LLGL1: variants seen among roughly 807,000 people sequenced by gnomAD.
LLGL1 encodes lethal(2) giant larvae protein homolog 1.
A neutral mutation model predicts 110.6 loss-of-function variants in LLGL1; 58 were observed. That is an observed-to-expected ratio of 0.52 (90% CI 0.42 to 0.65). The LOEUF (loss-of-function observed/expected upper bound fraction) is 0.65, where lower values mean the gene tolerates loss of function less well. Ranked by LOEUF, LLGL1 falls within the 30% of genes least tolerant of loss-of-function variation. The pLI is 0.00. For synonymous variants in LLGL1, 674 were observed against 607.2 expected (o/e 1.11, Z -1.62); for missense variants, 1,229 against 1,462.1 (o/e 0.84, Z 2.60).
Position 18,236,589 on chromosome 17 carries a change from C to T in LLGL1, c.1353-18C>T, listed in dbSNP as rs2047699233. On this transcript the variant is annotated intron_variant, in intron 11 of 22. Transcript: ENST00000316843. ...CTCCCAGGAACTCGGGTAGCCCTGA[C>T]ATCTGCCCTCCCTGCAGCCATGAGG... The T allele has an allele frequency of 6.2e-7, 1 of 1,600,188 alleles. No homozygotes were observed. The highest frequency in any genetic ancestry group is 8.5e-7 in the Non-Finnish European group (1 of 1,171,196).
At chr17:18,233,466 A>G (rs1291691457) in intron 4 of LLGL1, among the ~76,000 whole-genome samples, 1 of 152,146 alleles carries the variant, frequency 6.6e-6, no homozygotes, top group African/African-American at 2.4e-5. Flanking sequence ...GGAGGGGCTC[A>G]GCGGGGAGCT....
At chr17:18,231,683 G>C (rs1247110380) in intron 2 of LLGL1, among the ~76,000 whole-genome samples, 5 of 152,164 alleles carry the variant, frequency 3.3e-5, no homozygotes, top group Admixed American at 1.3e-4. Context: ...TTTTGAGATG[G>C]AGTCTTGCTC....
chr17:18,237,055 A>G, intron 13 of LLGL1, 116 bp downstream of exon 13: 1 of 895,814 alleles, frequency 1.1e-6, no homozygotes, highest in East Asian at 2.6e-5. Flanking sequence ...CAAGGTGGGA[A>G]TAGGGCTCTG....
At position 18,225,716 on chromosome 17, in the gene LLGL1, G is replaced by A; in HGVS notation, c.34G>A (p.Asp12Asn). 1 of 1,049,364 alleles carries A rather than the reference G, an allele frequency of 9.5e-7. No individual in the cohort carries two copies. The highest frequency in any genetic ancestry group is 2.7e-5 in the South Asian group (1 of 36,898). 65.0% of individuals were successfully genotyped at this position (1,049,364 alleles called of 1,614,324 possible). A position where few individuals can be genotyped will look rare whatever the true frequency, so the allele number is the denominator to read the frequency against. The change falls in exon 1 of 23, where the codon GAC becomes AAC. Residue 12 changes from aspartate (D) to asparagine (N), a missense_variant. By Grantham distance (23) the Asp-to-Asn change is conservative. Coordinates refer to ENST00000316843, the MANE Select transcript of LLGL1 (RefSeq NM_004140.4). ...MKFRFRRQGA[D>N]PQREKLKQEL... ...GTTTCGGTTCCGGCGGCAGGGCGCC[G>A]ACCCGCAGCGCGAGAAGCTCAAGCA...
intron 11 of LLGL1, chr17:18,236,051 C>T (rs2047686736): frequency 5.5e-6 from 1 of 183,442 alleles, no homozygotes; most frequent in African/African-American, 2.4e-5. Context: ...CACGCCCTGG[C>T]TCTGGGCTTT....
At chr17:18,235,649 G>T in intron 11 of LLGL1, 112 bp downstream of exon 11, 1 of 1,037,348 alleles carries the variant, frequency 9.6e-7, no homozygotes, top group South Asian at 1.5e-5. Context: ...CCCCTGGTGG[G>T]ACCAGGTAGT....
chr17:18,226,434 T>G (rs1027251787), intron 1 of LLGL1, among the ~76,000 whole-genome samples: 2 of 152,274 alleles, frequency 1.3e-5, no homozygotes, highest in Admixed American at 1.3e-4. Context: ...GAGGCAGCTG[T>G]GGGGGGTGCG....
At chr17:18,236,431 C>T (rs1490547295) in intron 11 of LLGL1, 176 bp from the exon 12 acceptor site, 4 of 623,970 alleles carry the variant, frequency 6.4e-6, no homozygotes. Context: ...ATAACAGGTG[C>T]ACAGTGTACC....
intron 2 of LLGL1, 73 bp downstream of exon 2, chr17:18,230,111 C>A: frequency 8.4e-7 from 1 of 1,191,372 alleles, no homozygotes; most frequent in Admixed American, 1.9e-5. Context: ...CTCTGGGGTC[C>A]CAGTCTTGGC....
Position 18,242,436 on chromosome 17 carries a change from C to T in LLGL1, c.2996-72C>T, listed in dbSNP as rs1372721646. 26 of 1,599,784 alleles carry T rather than the reference C, an allele frequency of 1.6e-5. No individual in the cohort carries two copies. In the Admixed American group the frequency reaches 4.4e-4, roughly 27 times the overall value. On this transcript the variant is annotated intron_variant, in intron 20 of 22. Transcript: ENST00000316843. ...CCTCACCATGGGCTGCCTTATGGGT[C>T]TGTGTCCCTAGGCCCCCAGGTGCAG...
chr17:18,242,876 A>G, intron 22 of LLGL1, 54 bp downstream of exon 22: 1 of 1,471,308 alleles, frequency 6.8e-7, no homozygotes, highest in Non-Finnish European at 9.1e-7. Context: ...CACCCCCTTC[A>G]GCCCGTCTGG....
At chr17:18,242,409 C>T in intron 20 of LLGL1, 99 bp from the exon 21 acceptor site, 4 of 1,566,828 alleles carry the variant, frequency 2.6e-6, no homozygotes, top group South Asian at 2.3e-5. Flanking sequence ...ACTGGTGCCA[C>T]CCCTCACCAT....
intron 13 of LLGL1, 37 bp downstream of exon 13, chr17:18,236,976 G>C (rs1306123276): frequency 1.3e-6 from 2 of 1,540,732 alleles, no homozygotes; most frequent in South Asian, 1.1e-5. Context: ...AGATGTCAGG[G>C]AGGGCTTTCT....
intron 13 of LLGL1, 187 bp downstream of exon 13, chr17:18,237,126 T>C (rs573876878): frequency 8.2e-5 from 50 of 611,746 alleles, no homozygotes; most frequent in East Asian, 6.9e-4. Context: ...GGAACCACAG[T>C]GTTGAGAGGA....
chr17:18,227,647 T>G (rs756624450), intron 1 of LLGL1, among the ~76,000 whole-genome samples: 8 of 152,200 alleles, frequency 5.3e-5, no homozygotes, highest in Non-Finnish European at 1.0e-4. Flanking sequence ...CATGTTGGCT[T>G]CCCAAAGTGC....
Position 18,238,498 on chromosome 17 carries a change from C to A in LLGL1, c.2095C>A (p.His699Asn), listed in dbSNP as rs1286305114. 1 of 1,612,450 alleles carries A rather than the reference C, an allele frequency of 6.2e-7. No homozygotes were observed. The highest frequency in any genetic ancestry group is 1.3e-5 in the African/African-American group (1 of 75,050). The change falls in exon 16 of 23, where the codon CAC (histidine) becomes AAC (asparagine). Residue 699 changes from histidine (H) to asparagine (N), a missense_variant. By Grantham distance (68) the His-to-Asn change is moderately conservative. Coordinates refer to ENST00000316843, the MANE Select transcript of LLGL1 (RefSeq NM_004140.4). ...NAQLAEQACPHDVEMTPVQRR... is the reference protein window; with the variant it reads ...NAQLAEQACPNDVEMTPVQRR... ...ACAGCTGGCTGAGCAGGCCTGCCCC[C>A]ACGACGTGGAGATGACGCCCGTGCA...
At chr17:18,228,651 CTG>C (rs969939712) in intron 1 of LLGL1, among the ~76,000 whole-genome samples, 2 of 152,140 alleles carry the variant, frequency 1.3e-5, no homozygotes, top group African/African-American at 2.4e-5. Context: ...AATGGGAAGG[CTG>C]TGGGGATTTG....
intron 22 of LLGL1, among the ~76,000 whole-genome samples, chr17:18,243,652 C>T (rs1345934504): frequency 6.6e-6 from 1 of 152,230 alleles, no homozygotes; most frequent in Non-Finnish European, 1.5e-5. Flanking sequence ...GCCATAGCCT[C>T]ACCCTGCACA....
At chr17:18,235,582 G>A (rs760207184) in intron 11 of LLGL1, 45 bp downstream of exon 11, 1 of 1,589,602 alleles carries the variant, frequency 6.3e-7, no homozygotes. Context: ...CTTGCTGTTG[G>A]GGGAGAGCCC....
Sources: gnomAD v4.1 joint callset for allele counts (sites outside exome capture counted in the v4.1 genomes callset) on GRCh38, gnomAD v4.1.1 for gene constraint, MANE v1.5 for transcripts, NCBI Gene and HGNC (gene_info 2026-07-23, HGNC 2026-07-21) for gene names.